ARFGAP3: variants seen among roughly 807,000 people sequenced by gnomAD.
ARFGAP3 encodes ADP-ribosylation factor GTPase-activating protein 3.
In ARFGAP3, 72 loss-of-function variants were observed where a neutral mutation model predicts 75.0. The observed-to-expected ratio is 0.96, with a 90% CI of 0.79 to 1.17. The LOEUF is 1.17. Ranked by LOEUF, ARFGAP3 falls within the 50% of genes most tolerant of loss-of-function variation. The pLI is 0.00. For missense variants in ARFGAP3, 620 were observed against 626.6 expected (o/e 0.99, Z 0.11); for synonymous variants, 221 against 217.9 (o/e 1.01, Z -0.13).
chr22:42,817,625 C>CAAA, intron 10 of ARFGAP3, 104 bp downstream of exon 10: 3 of 885,932 alleles, frequency 3.4e-6, no homozygotes, highest in Non-Finnish European at 5.1e-6. Flanking sequence ...TAATGAATAA[C>CAAA]AAAAAAAAAT....
intron 11 of ARFGAP3, among the ~76,000 whole-genome samples, chr22:42,811,673 C>T (rs1380260961): frequency 6.6e-6 from 1 of 152,216 alleles, no homozygotes; most frequent in African/African-American, 2.4e-5. Flanking sequence ...ATCTGATTTG[C>T]AAGCATCCCA....
intron 3 of ARFGAP3, among the ~76,000 whole-genome samples, chr22:42,838,622 A>T (rs544162067): frequency 2.6e-5 from 4 of 151,808 alleles, no homozygotes; most frequent in Non-Finnish European, 5.9e-5. Flanking sequence ...AATGCATACA[A>T]ATTTGATTTC....
intron 3 of ARFGAP3, among the ~76,000 whole-genome samples, chr22:42,840,009 C>T (rs1926708218): frequency 6.6e-6 from 1 of 152,206 alleles, no homozygotes; most frequent in Admixed American, 6.5e-5. Context: ...CAGCTCACTG[C>T]AACCTCTACC....
At chr22:42,829,845 T>C (rs560473811) in intron 6 of ARFGAP3, among the ~76,000 whole-genome samples, 4 of 152,368 alleles carry the variant, frequency 2.6e-5, no homozygotes, top group South Asian at 2.1e-4. Flanking sequence ...ATGTAAATCT[T>C]TGAACTACCT....
intron 13 of ARFGAP3, among the ~76,000 whole-genome samples, chr22:42,808,136 GC>G (rs1925207392): frequency 6.6e-6 from 1 of 151,862 alleles, no homozygotes; most frequent in Admixed American, 6.5e-5. Flanking sequence ...GGTGGCTCAC[GC>G]CTGTAATACC....
chr22:42,812,411 C>T (rs1010797819), intron 11 of ARFGAP3, among the ~76,000 whole-genome samples: 1 of 152,030 alleles, frequency 6.6e-6, no homozygotes, highest in African/African-American at 2.4e-5. Context: ...GAGGCCTTAA[C>T]AGACATCATC....
chr22:42,809,374 A>C (rs1925262824), intron 12 of ARFGAP3, among the ~76,000 whole-genome samples: 1 of 152,230 alleles, frequency 6.6e-6, no homozygotes, highest in Non-Finnish European at 1.5e-5. Context: ...AGGTGAATGG[A>C]TAAACTTGGC....
intron 4 of ARFGAP3, 115 bp downstream of exon 4, chr22:42,835,247 C>T: frequency 1.6e-6 from 2 of 1,227,108 alleles, no homozygotes; most frequent in Non-Finnish European, 2.3e-6. Context: ...CTACTGTACA[C>T]TAATTCCTTG....
intron 1 of ARFGAP3, among the ~76,000 whole-genome samples, chr22:42,851,456 AG>A (rs141310933): frequency 4.3e-4 from 65 of 151,924 alleles, no homozygotes; most frequent in East Asian, 7.7e-4. Context: ...TAGCCCCATG[AG>A]GGGGGGGCCA....
chr22:42,821,750 T>C (rs1461862206), intron 9 of ARFGAP3, among the ~76,000 whole-genome samples: 2 of 152,222 alleles, frequency 1.3e-5, no homozygotes, highest in Non-Finnish European at 2.9e-5. Flanking sequence ...AGTATATACT[T>C]AGGAGTAGAT....
chr22:42,844,600 A>T (rs557961516), intron 2 of ARFGAP3, among the ~76,000 whole-genome samples: 135 of 113,174 alleles, frequency 1.2e-3, no homozygotes, highest in East Asian at 7.4e-3. Context: ...AAAAAAAAAA[A>T]AAAAAAATAA....
Position 42,797,559 on chromosome 22 carries a change from T to A in ARFGAP3, c.*29A>T. The A allele has an allele frequency of 6.2e-7, 1 of 1,613,960 alleles. No individual in the cohort carries two copies. The highest frequency in any genetic ancestry group is 8.5e-7 in the Non-Finnish European group (1 of 1,179,908). On this transcript the variant is annotated 3_prime_UTR_variant, in exon 16 of 16. Coordinates refer to ENST00000263245, the MANE Select transcript of ARFGAP3 (RefSeq NM_014570.5). Reference sequence around the variant, plus strand: ...ACTTGTTCATTTAAAGAGGAATTTCTCCAGGAAATACACATCATGACTTCA... The same window carrying A: ...ACTTGTTCATTTAAAGAGGAATTTCACCAGGAAATACACATCATGACTTCA...
Position 42,856,819 on chromosome 22 carries a change from C to A in ARFGAP3, c.69+295G>T, listed in dbSNP as rs556433915. Among the ~76,000 whole-genome samples, 249 of 151,750 alleles carry A rather than the reference C, an allele frequency of 1.6e-3. 2 individuals are homozygous for A. Among genetic ancestry groups the A allele is most frequent in the African/African-American group, 5.8e-3 (239 of 41,462 alleles). On this transcript the variant is annotated intron_variant, in intron 1 of 15. Coordinates refer to ENST00000263245, the MANE Select transcript of ARFGAP3 (RefSeq NM_014570.5). ...CCCCCGCCCCCGCCTCCGCTCAGAG[C>A]CGCCGGTGCTCGCCCCCCGCCCCAA...
At chr22:42,816,199 T>C (rs1925571576) in intron 11 of ARFGAP3, among the ~76,000 whole-genome samples, 1 of 152,176 alleles carries the variant, frequency 6.6e-6, no homozygotes, top group Non-Finnish European at 1.5e-5. Context: ...CAGCTAAACA[T>C]AGTAAGAGCC....
Position 42,808,815 on chromosome 22 carries a change from G to A in ARFGAP3, c.1272C>T (p.Val424=). ...TDEAQKKFGN[V]KAISSDMYFG... ...AATACATATCTGATGAAATGGCCTT[G>A]ACATTGCCAAACTTCTTCTGGGCCT... Residue 424 remains valine (V), a synonymous_variant, in exon 13 of 16, where the codon GTC becomes GTT. Coordinates refer to ENST00000263245, the MANE Select transcript of ARFGAP3 (RefSeq NM_014570.5). 6 of 1,613,760 alleles carry A rather than the reference G, an allele frequency of 3.7e-6. No homozygotes were observed. Among genetic ancestry groups the A allele is most frequent in the Non-Finnish European group, 4.2e-6 (5 of 1,179,820 alleles).
At position 42,857,200 on chromosome 22, in the gene ARFGAP3, G is replaced by A. The variant is rs547595202; in HGVS notation, c.-18C>T. ...TCCCCCATCGTCAGCTGTGAGCCGCGGCGCAGCTGGCCCAGCCAACCGGTA... is the reference window on the plus strand; with the variant it reads ...TCCCCCATCGTCAGCTGTGAGCCGCAGCGCAGCTGGCCCAGCCAACCGGTA... On this transcript the variant is annotated 5_prime_UTR_variant, in exon 1 of 16. Coordinates refer to ENST00000263245, the MANE Select transcript of ARFGAP3 (RefSeq NM_014570.5). 3.8e-5 allele frequency: 57 copies of A among 1,506,930 alleles called. No individual in the cohort carries two copies. The highest frequency in any genetic ancestry group is 3.7e-5 in the Non-Finnish European group (42 of 1,124,904). 93.3% of individuals were successfully genotyped at this position (1,506,930 alleles called of 1,614,324 possible).
intron 11 of ARFGAP3, 116 bp from the exon 12 acceptor site, chr22:42,811,060 A>G (rs751977373): frequency 5.4e-6 from 8 of 1,470,436 alleles, no homozygotes; most frequent in Non-Finnish European, 7.2e-6. Context: ...CAGTCACATA[A>G]CTAGGTCTAG....
Position 42,835,493 on chromosome 22 carries a change from A to G in ARFGAP3, c.262T>C (p.Ser88Pro). The G allele has an allele frequency of 6.2e-7, 1 of 1,613,734 alleles. No individual in the cohort carries two copies. The highest frequency in any genetic ancestry group is 8.5e-7 in the Non-Finnish European group (1 of 1,179,730). Residue 88 changes from serine (S) to proline (P), a missense_variant and splice_region_variant, in exon 4 of 16, where the codon TCT becomes CCT. Coordinates refer to ENST00000263245, the MANE Select transcript of ARFGAP3 (RefSeq NM_014570.5). ...CMQVGGNASA[S>P]SFFHQHGCST... ...CACCCATGTTGATGAAAAAAGGAAG[A>G]CTACAGAGAAAAGCATGCACATTAA...
intron 5 of ARFGAP3, among the ~76,000 whole-genome samples, chr22:42,832,942 G>A (rs1420817786): frequency 2.0e-5 from 3 of 151,598 alleles, no homozygotes; most frequent in Non-Finnish European, 1.5e-5. Context: ...CCGAGATCGC[G>A]CCATTGCGCT....
Sources: allele counts gnomAD v4.1 joint callset (sites outside exome capture counted in the v4.1 genomes callset), GRCh38; gene constraint gnomAD v4.1.1; transcripts MANE v1.5; gene names NCBI Gene and HGNC (gene_info 2026-07-23, HGNC 2026-07-21).